NSRP1: variants seen among roughly 807,000 people sequenced by gnomAD.
NSRP1 encodes nuclear speckle splicing regulatory protein 1.
A neutral mutation model predicts 54.7 loss-of-function variants in NSRP1; 24 were observed. The observed-to-expected ratio is 0.44, with a 90% CI of 0.32 to 0.62. NSRP1 has a LOEUF of 0.62. Among genes scored for constraint, NSRP1 ranks in the 20% least tolerant of loss-of-function variants. The probability of loss-of-function intolerance (pLI) is 0.06; values close to 1 mark genes in which losing one functional copy is unlikely to be tolerated. For missense variants in NSRP1, 596 were observed against 651.2 expected, an observed-to-expected ratio of 0.92 and a Z score of 0.92; for synonymous variants, 210 against 213.8, an observed-to-expected ratio of 0.98 and a Z score of 0.15.
intron 3 of NSRP1, among the ~76,000 whole-genome samples, chr17:30,174,325 G>A (rs906928559): frequency 2.0e-5 from 3 of 151,962 alleles, no homozygotes; most frequent in African/African-American, 4.8e-5. Flanking sequence ...ATTTTTTCTC[G>A]CACCTATATT....
chr17:30,153,665 T>G (rs887775630), intron 2 of NSRP1, among the ~76,000 whole-genome samples: 5 of 152,034 alleles, frequency 3.3e-5, no homozygotes, highest in African/African-American at 1.2e-4. Context: ...GCCTTGCCAT[T>G]TGTCTGTCTG....
chr17:30,130,686 T>A (rs951932550), intron 2 of NSRP1, among the ~76,000 whole-genome samples: 2 of 152,222 alleles, frequency 1.3e-5, no homozygotes, highest in African/African-American at 2.4e-5. Context: ...AGACTTTTTT[T>A]AATTGGCTTG....
chr17:30,172,522 A>T lies in NSRP1; in HGVS notation c.115-20A>T. On this transcript the variant is annotated intron_variant, in intron 2 of 6. Transcript: ENST00000247026. ...ATTTTAAATTTGTTTAAAAAGTGAC[A>T]ATATATTTCTGTTTTACAGACCTCT... 6.3e-7 allele frequency: 1 copy of T among 1,585,572 alleles called. No homozygotes were observed. The highest frequency in any genetic ancestry group is 1.1e-5 in the South Asian group (1 of 87,370).
intron 2 of NSRP1, among the ~76,000 whole-genome samples, chr17:30,147,522 T>A (rs1376705887): frequency 6.6e-6 from 1 of 151,116 alleles, no homozygotes; most frequent in African/African-American, 2.4e-5. Flanking sequence ...TGGAGCGCAG[T>A]GGCCAATCTC....
chr17:30,145,203 A>G (rs1171119081), intron 2 of NSRP1, among the ~76,000 whole-genome samples: 2 of 152,200 alleles, frequency 1.3e-5, no homozygotes, highest in African/African-American at 2.4e-5. Context: ...ATTCTCATAC[A>G]TGTCCCAGTA....
intron 2 of NSRP1, among the ~76,000 whole-genome samples, chr17:30,172,310 T>C (rs1317299265): frequency 6.6e-6 from 1 of 152,148 alleles, no homozygotes; most frequent in African/African-American, 2.4e-5. Context: ...TCAAAAATCC[T>C]AAATGTTCTA....
At chr17:30,127,418 G>A (rs2071659987) in intron 2 of NSRP1, among the ~76,000 whole-genome samples, 1 of 152,058 alleles carries the variant, frequency 6.6e-6, no homozygotes, top group African/African-American at 2.4e-5. Flanking sequence ...TCTGAAAATT[G>A]TTGCACTTTT....
At chr17:30,163,198 T>A (rs76614864) in intron 2 of NSRP1, 2 of 33,698 alleles carry the variant, frequency 5.9e-5, no homozygotes, top group African/African-American at 9.8e-5. Flanking sequence ...TTTGTGTGTG[T>A]GTGTGTGTGT....
intron 2 of NSRP1, among the ~76,000 whole-genome samples, chr17:30,133,110 T>C (rs1381291680): frequency 3.1e-5 from 1 of 31,770 alleles, no homozygotes; most frequent in Non-Finnish European, 5.4e-5. Flanking sequence ...CACCCAGCTA[T>C]TTTTTTTTTT....
rs1464937736 is a variant in NSRP1 at position 30,135,368 on chromosome 17, G to A, written c.114+17195G>A. Among the ~76,000 whole-genome samples the A allele has an allele frequency of 2.0e-5, 3 of 151,802 alleles. No individual in the cohort carries two copies. The East Asian group carries it at 5.8e-4, about 29-fold the overall frequency. ...TGAACTCCTGGGGCTCAAGTGATCT[G>A]CCCACTTCGGCCTCCCAAAGTGCTG... is the stretch of plus-strand genomic sequence containing the variant. On this transcript the variant is annotated intron_variant, in intron 2 of 6. Coordinates refer to ENST00000247026, the MANE Select transcript of NSRP1 (RefSeq NM_032141.4).
At chr17:30,157,175 A>G (rs1485704166) in intron 2 of NSRP1, among the ~76,000 whole-genome samples, 1 of 152,108 alleles carries the variant, frequency 6.6e-6, no homozygotes, top group Non-Finnish European at 1.5e-5. Flanking sequence ...TCTTTTTGAT[A>G]ATAGCTATTC....
intron 2 of NSRP1, among the ~76,000 whole-genome samples, chr17:30,129,328 A>G (rs1187615048): frequency 2.0e-5 from 3 of 151,958 alleles, no homozygotes; most frequent in African/African-American, 7.2e-5. Flanking sequence ...AATGAAAATG[A>G]TTACTTTTTA....
Position 30,185,435 on chromosome 17 carries a change from A to G in NSRP1, c.1438A>G (p.Lys480Glu). Residue 480 changes from lysine (K) to glutamate (E), a missense_variant, in exon 7 of 7, where the codon AAG (lysine) becomes GAG (glutamate). Coordinates refer to ENST00000247026, the MANE Select transcript of NSRP1 (RefSeq NM_032141.4). ...ATCCAACAAAATGAGAAACATGGCAAAGGACAAAGAAAGAAACCAAGAGAA... is the reference window on the plus strand; with the variant it reads ...ATCCAACAAAATGAGAAACATGGCAGAGGACAAAGAAAGAAACCAAGAGAA... ...ERSNKMRNMA[K>E]DKERNQEKPS... 1.2e-6 allele frequency: 2 copies of G among 1,608,276 alleles called. No individual in the cohort carries two copies. Among genetic ancestry groups the G allele is most frequent in the South Asian group, 1.1e-5 (1 of 89,384 alleles).
rs1193902590 is a variant in NSRP1, at chr17:30,168,245, C to T, written c.115-4297C>T. The T allele has an allele frequency of 3.9e-5, 6 of 152,080 alleles. 1 individual carries two copies. The highest frequency in any genetic ancestry group is 3.3e-4 in the Admixed American group (5 of 15,266). The allele number at this position is 152,080 out of a possible 1,614,324, so 9.4% of individuals were successfully genotyped here. Reference sequence around the variant, plus strand: ...CTGTAGCCTTAACAATTAAAGGTGACTTCTATATGTCATTTAGCTTACTTA... The same window carrying T: ...CTGTAGCCTTAACAATTAAAGGTGATTTCTATATGTCATTTAGCTTACTTA... On this transcript the variant is annotated intron_variant, in intron 2 of 6. Coordinates refer to ENST00000247026, the MANE Select transcript of NSRP1 (RefSeq NM_032141.4).
At chr17:30,141,936 G>C (rs1004113065) in intron 2 of NSRP1, among the ~76,000 whole-genome samples, 2 of 152,190 alleles carry the variant, frequency 1.3e-5, no homozygotes, top group African/African-American at 4.8e-5. Context: ...CCCAGGAGGT[G>C]GAGGTTGCAG....
chr17:30,162,855 T>C (rs1244737411), intron 2 of NSRP1, among the ~76,000 whole-genome samples: 1 of 152,078 alleles, frequency 6.6e-6, no homozygotes, highest in Non-Finnish European at 1.5e-5. Context: ...TGTTTCCTGG[T>C]GAAGGAGTAC....
At chr17:30,152,193 G>A (rs2071918107) in intron 2 of NSRP1, among the ~76,000 whole-genome samples, 2 of 151,926 alleles carry the variant, frequency 1.3e-5, no homozygotes, top group Admixed American at 1.3e-4. Flanking sequence ...CGCGATCTCG[G>A]CTCACGGCAA....
chr17:30,117,914 C>A, intron 1 of NSRP1, 166 bp from the exon 2 acceptor site: 1 of 557,536 alleles, frequency 1.8e-6, no homozygotes, highest in Non-Finnish European at 3.2e-6. Context: ...AATCTTACGG[C>A]ATGTTAGAAT....
At chr17:30,133,109 ATTTT>A (rs558445432) in intron 2 of NSRP1, among the ~76,000 whole-genome samples, 7 of 110,922 alleles carry the variant, frequency 6.3e-5, no homozygotes, top group Non-Finnish European at 3.6e-5. Context: ...ACACCCAGCT[ATTTT>A]TTTTTTTTTT....
Sources: allele counts gnomAD v4.1 joint callset (sites outside exome capture counted in the v4.1 genomes callset), GRCh38; gene constraint gnomAD v4.1.1; transcripts MANE v1.5; gene names NCBI Gene and HGNC (gene_info 2026-07-23, HGNC 2026-07-21).